Variants in PCDH15 observed in about 807,000 individuals in gnomAD.
The protein encoded by PCDH15 is protocadherin related 15, also known as protocadherin-15.
A neutral mutation model predicts 178.5 loss-of-function variants in PCDH15; 129 were observed. The observed-to-expected ratio is 0.72, with a 90% confidence interval of 0.63 to 0.84. PCDH15 has a LOEUF of 0.84. Among genes scored for constraint, PCDH15 ranks in the 40% least tolerant of loss-of-function variants. PCDH15 has a pLI of 0.00. For synonymous variants in PCDH15, 800 were observed against 732.0 expected (o/e 1.09, Z -1.50); for missense variants, 2,230 against 2,099.9 (o/e 1.06, Z -1.21).
chr10:55,404,314 A>G (rs1262758892), intron 2 of PCDH15, among the ~76,000 whole-genome samples: 1 of 152,034 alleles, frequency 6.6e-6, no homozygotes, highest in Non-Finnish European at 1.5e-5. Context: ...CAAAGTGACC[A>G]CAGATATTAT....
intron 2 of PCDH15, among the ~76,000 whole-genome samples, chr10:55,109,847 G>T (rs1244622107): frequency 1.3e-5 from 2 of 151,924 alleles, no homozygotes; most frequent in Non-Finnish European, 2.9e-5. Flanking sequence ...AATTTATTAT[G>T]ACTTTTTCCA....
chr10:54,357,085 C>T (rs1054376958), intron 5 of PCDH15, among the ~76,000 whole-genome samples: 12 of 152,100 alleles, frequency 7.9e-5, no homozygotes, highest in African/African-American at 2.9e-4. Context: ...GAAGCATTCC[C>T]TTTGAAAATG....
At chr10:54,482,022 T>C (rs2078754964) in intron 3 of PCDH15, among the ~76,000 whole-genome samples, 1 of 151,768 alleles carries the variant, frequency 6.6e-6, no homozygotes, top group South Asian at 2.1e-4. Context: ...TCATAAGGGA[T>C]CAGAAATACC....
intron 1 of PCDH15, among the ~76,000 whole-genome samples, chr10:55,215,601 C>A (rs1331018220): frequency 6.6e-6 from 1 of 151,988 alleles, no homozygotes; most frequent in Non-Finnish European, 1.5e-5. Flanking sequence ...TGAAATATTG[C>A]ATCACTTTTT....
At chr10:55,193,787 C>T (rs1159540204) in intron 1 of PCDH15, among the ~76,000 whole-genome samples, 12 of 151,670 alleles carry the variant, frequency 7.9e-5, no homozygotes, top group Non-Finnish European at 5.9e-5. Context: ...GTTCAAAGAG[C>T]CAATTTTTGT....
chr10:54,402,993 T>A (rs1952131363), intron 3 of PCDH15, among the ~76,000 whole-genome samples: 1 of 152,036 alleles, frequency 6.6e-6, no homozygotes. Flanking sequence ...GGCTGAACGC[T>A]AGACATCGTG....
chr10:54,308,159 C>T (rs2060668954), intron 8 of PCDH15, among the ~76,000 whole-genome samples: 1 of 152,074 alleles, frequency 6.6e-6, no homozygotes, highest in Non-Finnish European at 1.5e-5. Flanking sequence ...TGGTAAACAT[C>T]TTTGCAAATT....
At chr10:55,247,683 C>G (rs1841715436) in intron 1 of PCDH15, 1 of 151,006 alleles carries the variant, frequency 6.6e-6, no homozygotes, top group African/African-American at 2.4e-5. Flanking sequence ...TTTTGGGAGG[C>G]CGAAGCAGGT....
intron 1 of PCDH15, among the ~76,000 whole-genome samples, chr10:55,235,037 A>C (rs1487818026): frequency 6.6e-6 from 1 of 152,076 alleles, no homozygotes; most frequent in Non-Finnish European, 1.5e-5. Flanking sequence ...GGTTTGATAT[A>C]CCACCTCAAT....
intron 5 of PCDH15, among the ~76,000 whole-genome samples, chr10:54,357,921 C>T (rs9416319): frequency 0.035 from 5,303 of 151,880 alleles, 292 homozygotes; most frequent in African/African-American, 0.12. Context: ...GGAAAGGATT[C>T]CCTATTTAAT....
intron 2 of PCDH15, among the ~76,000 whole-genome samples, chr10:55,331,345 T>C (rs2132310716): frequency 6.6e-6 from 1 of 152,160 alleles, no homozygotes; most frequent in South Asian, 2.1e-4. Flanking sequence ...TCTTTATATA[T>C]ACTTTGGATC....
chr10:55,299,615 A>G (rs1009947784), intron 1 of PCDH15, among the ~76,000 whole-genome samples: 7 of 152,278 alleles, frequency 4.6e-5, no homozygotes, highest in African/African-American at 1.4e-4. Context: ...TAGCAAATTC[A>G]TATACTTTTA....
intron 2 of PCDH15, among the ~76,000 whole-genome samples, chr10:55,039,191 C>A (rs1022701652): frequency 6.6e-6 from 1 of 151,526 alleles, no homozygotes; most frequent in Non-Finnish European, 1.5e-5. Context: ...AAATCTCTCC[C>A]AGAATACAGA....
chr10:54,642,089 TG>T (rs538514420), intron 2 of PCDH15, among the ~76,000 whole-genome samples: 239 of 151,414 alleles, frequency 1.6e-3, no homozygotes, highest in Middle Eastern at 6.9e-3. Flanking sequence ...TATAAGGAGG[TG>T]GGCTCTTTGG....
At chr10:54,584,173 A>C (rs75278128) in intron 2 of PCDH15, among the ~76,000 whole-genome samples, 1 of 152,048 alleles carries the variant, frequency 6.6e-6, no homozygotes, top group Non-Finnish European at 1.5e-5. Context: ...ACTTGAGCTC[A>C]GGAATTTGAG....
intron 2 of PCDH15, among the ~76,000 whole-genome samples, chr10:55,510,458 C>G (rs915184876): frequency 6.6e-6 from 1 of 151,998 alleles, no homozygotes; most frequent in African/African-American, 2.4e-5. Flanking sequence ...CACTAGCTAA[C>G]GTGTTTTTCT....
intron 2 of PCDH15, among the ~76,000 whole-genome samples, chr10:55,338,050 A>C (rs1436843319): frequency 6.6e-6 from 1 of 152,198 alleles, no homozygotes; most frequent in Non-Finnish European, 1.5e-5. Context: ...ACTATATGGA[A>C]AAAAAGCTCA....
intron 2 of PCDH15, among the ~76,000 whole-genome samples, chr10:55,145,391 A>G (rs17602809): frequency 0.23 from 34,362 of 151,982 alleles, 4,701 homozygotes; most frequent in Non-Finnish European, 0.31. Context: ...AAAAATTGGA[A>G]TAAATATATT....
At chr10:54,150,544 T>C (rs1225885335) in intron 14 of PCDH15, among the ~76,000 whole-genome samples, 1 of 152,078 alleles carries the variant, frequency 6.6e-6, no homozygotes, top group African/African-American at 2.4e-5. Flanking sequence ...CCTACTTTTT[T>C]TCTATTTATA....
Sources: allele counts gnomAD v4.1 joint callset (sites outside exome capture counted in the v4.1 genomes callset), GRCh38; gene constraint gnomAD v4.1.1; transcripts MANE v1.5; gene names NCBI Gene and HGNC (gene_info 2026-07-23, HGNC 2026-07-21).